SMIM35: variants seen among roughly 807,000 people sequenced by gnomAD.
The protein encoded by SMIM35 is TMPRSS4 antisense RNA 1 (non-protein coding).
rs367714265 is a variant in SMIM35 at position 118,021,047 on chromosome 11, G to GTTTTTTTTTTTTTTTT, written c.8-5239_8-5238insAAAAAAAAAAAAAAAA. Reference sequence around the variant, plus strand: ...TTAGTTTCCAAATTCACAGGGTAAGGTTTTTTTTTTTACTATTTATTAAGA... The same window carrying GTTTTTTTTTTTTTTTT: ...TTAGTTTCCAAATTCACAGGGTAAGGTTTTTTTTTTTTTTTTTTTTTTTTTTTACTATTTATTAAGA... On this transcript the variant is annotated intron_variant, in intron 1 of 4. Coordinates refer to ENST00000689828, the MANE Select transcript of SMIM35 (RefSeq NM_001394165.1). Among the ~76,000 whole-genome samples, 108 of 140,608 alleles carry GTTTTTTTTTTTTTTTT rather than the reference G, an allele frequency of 7.7e-4. 2 individuals are homozygous for GTTTTTTTTTTTTTTTT. The highest frequency in any genetic ancestry group is 1.8e-3 in the East Asian group (6 of 3,268). The allele number at this position is 140,608 out of a possible 152,430, so 92.2% of individuals were successfully genotyped here.
At chr11:118,036,999 G>A (rs2058364350) in intron 1 of SMIM35, among the ~76,000 whole-genome samples, 1 of 152,164 alleles carries the variant, frequency 6.6e-6, no homozygotes, top group South Asian at 2.1e-4. Flanking sequence ...GGTTGGGTGT[G>A]AGCTAAGTTG....
chr11:118,048,066 C>T (rs1346760575), intron 1 of SMIM35, among the ~76,000 whole-genome samples: 1 of 152,158 alleles, frequency 6.6e-6, no homozygotes, highest in Non-Finnish European at 1.5e-5. Context: ...GGGAGGTGAT[C>T]ATAGTGGTAC....
At chr11:118,050,349 G>A (rs1944191131) in intron 1 of SMIM35, among the ~76,000 whole-genome samples, 1 of 152,244 alleles carries the variant, frequency 6.6e-6, no homozygotes, top group Non-Finnish European at 1.5e-5. Flanking sequence ...CGGGGTGCCA[G>A]CTGGGGGAAC....
intron 1 of SMIM35, chr11:118,029,850 T>C (rs1485714499): frequency 4.4e-6 from 2 of 454,928 alleles, no homozygotes; most frequent in African/African-American, 4.0e-5. Flanking sequence ...AATGCTAGCA[T>C]CTGCCTCCTG....
At chr11:118,048,290 A>C (rs1459527866) in intron 1 of SMIM35, among the ~76,000 whole-genome samples, 1 of 152,156 alleles carries the variant, frequency 6.6e-6, no homozygotes, top group Non-Finnish European at 1.5e-5. Flanking sequence ...CGGTCAGATC[A>C]CCTGAGGTCA....
chr11:118,046,690 C>G (rs1031068076), intron 1 of SMIM35, among the ~76,000 whole-genome samples: 12 of 152,188 alleles, frequency 7.9e-5, no homozygotes, highest in Non-Finnish European at 1.5e-5. Context: ...CAGACCTATC[C>G]AAGGAAACTC....
chr11:118,065,123 C>T (rs1398249402), intron 1 of SMIM35, among the ~76,000 whole-genome samples: 1 of 152,206 alleles, frequency 6.6e-6, no homozygotes, highest in African/African-American at 2.4e-5. Context: ...GTCAAACACC[C>T]GTCCCTCCCC....
intron 1 of SMIM35, among the ~76,000 whole-genome samples, chr11:118,063,145 A>G (rs967908850): frequency 6.6e-6 from 1 of 152,220 alleles, no homozygotes; most frequent in Non-Finnish European, 1.5e-5. Flanking sequence ...AAAAATAGGC[A>G]ACCAGCAGCC....
chr11:118,082,693 T>C lies in SMIM35; in HGVS notation c.7+4058A>G, dbSNP rs75711131. ...ACTTTCAAGAAGACTAAACTAAAGTTTCATACCCAATGCTGCTCAGGGAAA... is the reference window on the plus strand; with the variant it reads ...ACTTTCAAGAAGACTAAACTAAAGTCTCATACCCAATGCTGCTCAGGGAAA... On this transcript the variant is annotated intron_variant, in intron 1 of 4. Transcript: ENST00000689828. Among the ~76,000 whole-genome samples the C allele has an allele frequency of 1.2e-4, 18 of 152,198 alleles. No homozygotes were observed. The East Asian group carries it at 3.5e-3, about 29-fold the overall frequency.
chr11:118,055,856 A>T (rs1159867410), intron 1 of SMIM35, among the ~76,000 whole-genome samples: 1 of 152,134 alleles, frequency 6.6e-6, no homozygotes, highest in Non-Finnish European at 1.5e-5. Flanking sequence ...GTGACAGGTA[A>T]TCTGTGCTAT....
chr11:118,079,256 T>C lies in SMIM35; in HGVS notation c.7+7495A>G, dbSNP rs76457028. ...CCTTGACAGCCATAGCTCCCAGCCC[T>C]GAGGGGAGGATGGGATCTCCACACC... On this transcript the variant is annotated intron_variant, in intron 1 of 4. Transcript: ENST00000689828. Among the ~76,000 whole-genome samples the C allele has an allele frequency of 4.1e-3, 623 of 152,242 alleles. 3 individuals are homozygous for C. Among genetic ancestry groups the C allele is most frequent in the African/African-American group, 0.014 (586 of 41,530 alleles).
At position 118,061,806 on chromosome 11, in the gene SMIM35, C is replaced by T. The variant is rs538264300; in HGVS notation, c.7+24945G>A. ...ATGCTAGACAGAGCCAGCATCAAGC[C>T]TCTGTCCCCATTATGAGTTGACTTC... On this transcript the variant is annotated intron_variant, in intron 1 of 4. Transcript: ENST00000689828. 1.1e-3 allele frequency among the ~76,000 whole-genome samples: 169 copies of T among 152,286 alleles called. 1 individual carries two copies. The highest frequency in any genetic ancestry group is 1.7e-3 in the Non-Finnish European group (118 of 68,024).
intron 1 of SMIM35, among the ~76,000 whole-genome samples, chr11:118,081,751 G>GCATTCATT (rs112018141): frequency 0.02 from 3,026 of 152,132 alleles, 104 homozygotes; most frequent in East Asian, 0.11. Context: ...AAATCTGTAT[G>GCATTCATT]CATTCATTCA....
At chr11:118,054,171 T>G (rs1258744976) in intron 1 of SMIM35, among the ~76,000 whole-genome samples, 4 of 151,600 alleles carry the variant, frequency 2.6e-5, no homozygotes, top group Non-Finnish European at 5.9e-5. Flanking sequence ...TTTGTTTTGT[T>G]TTTTTGTTTG....
chr11:118,018,932 A>T (rs1011858301), intron 1 of SMIM35, among the ~76,000 whole-genome samples: 1 of 151,694 alleles, frequency 6.6e-6, no homozygotes, highest in African/African-American at 2.4e-5. Context: ...AAGAACAGCC[A>T]TGTGCCTACT....
intron 1 of SMIM35, among the ~76,000 whole-genome samples, chr11:118,077,489 C>T (rs1944749156): frequency 6.6e-6 from 1 of 152,236 alleles, no homozygotes; most frequent in African/African-American, 2.4e-5. Context: ...ACCTGCCTTC[C>T]TCTCTTCCTC....
chr11:118,021,896 C>A (rs2058233605), intron 1 of SMIM35, among the ~76,000 whole-genome samples: 1 of 152,196 alleles, frequency 6.6e-6, no homozygotes, highest in African/African-American at 2.4e-5. Context: ...AGGACACAAA[C>A]AACACTGCCA....
chr11:118,018,481 T>A (rs141471103), intron 1 of SMIM35, among the ~76,000 whole-genome samples: 15 of 152,240 alleles, frequency 9.9e-5, no homozygotes, highest in African/African-American at 3.4e-4. Flanking sequence ...TCTCTGTGGA[T>A]GACAGAGAGA....
At chr11:118,029,804 A>T in intron 1 of SMIM35, 1 of 456,938 alleles carries the variant, frequency 2.2e-6, no homozygotes. Flanking sequence ...CTATGTTTTG[A>T]TACTTCCAAG....
Sources: gnomAD v4.1 joint callset for allele counts (sites outside exome capture counted in the v4.1 genomes callset) on GRCh38, gnomAD v4.1.1 for gene constraint, MANE v1.5 for transcripts, NCBI Gene and HGNC (gene_info 2026-07-23, HGNC 2026-07-21) for gene names.